TEX26: variants seen among roughly 807,000 people sequenced by gnomAD.
The protein encoded by TEX26 is testis-expressed protein 26.
A neutral mutation model predicts 35.3 loss-of-function variants in TEX26; 34 were observed. The ratio of observed to expected loss-of-function variants is 0.96; its 90% CI spans 0.73 to 1.28. The LOEUF (loss-of-function observed/expected upper bound fraction) is 1.28, where lower values mean the gene tolerates loss of function less well. Ranked by LOEUF, TEX26 falls within the 50% of genes most tolerant of loss-of-function variation. The pLI is 0.00. For missense variants in TEX26, 371 were observed against 330.1 expected (o/e 1.12, Z -0.96); for synonymous variants, 136 against 111.8 (o/e 1.22, Z -1.36).
intron 2 of TEX26, among the ~76,000 whole-genome samples, chr13:30,940,322 CTTTTTTTTTTTT>C (rs869246492): frequency 3.1e-4 from 16 of 52,044 alleles, no homozygotes; most frequent in South Asian, 1.0e-3. Context: ...CATCAGCTGC[CTTTTTTTTTTTT>C]TTTTTTTTTT....
intron 2 of TEX26, among the ~76,000 whole-genome samples, chr13:30,942,920 T>G (rs377185641): frequency 3.9e-5 from 6 of 152,268 alleles, no homozygotes; most frequent in African/African-American, 1.4e-4. Flanking sequence ...AGTCTAGTAA[T>G]GTGATGCCTT....
At chr13:30,967,688 T>C (rs1008018356) in intron 5 of TEX26, among the ~76,000 whole-genome samples, 1 of 152,352 alleles carries the variant, frequency 6.6e-6, no homozygotes, top group Non-Finnish European at 1.5e-5. Context: ...TGGAAGGTGT[T>C]CTTAAGGTTT....
At position 30,936,713 on chromosome 13, in the gene TEX26, G is replaced by A. The variant is rs1028666207; in HGVS notation, c.62-2981G>A. On this transcript the variant is annotated intron_variant, in intron 1 of 6. Transcript: ENST00000380473. ...CAGTGCTCCACAGGGCTGGGTCCAC[G>A]GGAGGGCTTGGGGACTTCTTTGAAG... 1.9e-5 allele frequency: 19 copies of A among 985,256 alleles called. No homozygotes were observed. The South Asian group carries it at 2.3e-4, about 12-fold the overall frequency. 61.0% of individuals were successfully genotyped at this position (985,256 alleles called of 1,614,324 possible).
intron 4 of TEX26, among the ~76,000 whole-genome samples, chr13:30,963,313 G>A (rs930706713): frequency 3.9e-5 from 6 of 152,116 alleles, no homozygotes; most frequent in African/African-American, 9.7e-5. Context: ...GGGGGGAGGC[G>A]TCATTGGGTC....
At chr13:30,954,614 A>G (rs1173463228) in intron 3 of TEX26, among the ~76,000 whole-genome samples, 1 of 151,854 alleles carries the variant, frequency 6.6e-6, no homozygotes, top group Non-Finnish European at 1.5e-5. Flanking sequence ...GCATGCCACC[A>G]TGCCCAGCTA....
intron 2 of TEX26, among the ~76,000 whole-genome samples, chr13:30,944,032 A>C (rs1243882979): frequency 6.6e-6 from 1 of 152,006 alleles, no homozygotes; most frequent in East Asian, 1.9e-4. Context: ...TAGGATTGGC[A>C]CCAATTCTTC....
intron 3 of TEX26, 129 bp downstream of exon 3, chr13:30,952,954 G>T: frequency 1.3e-6 from 1 of 789,484 alleles, no homozygotes. Context: ...GTTCTTTTTA[G>T]ACTATTTCCT....
intron 4 of TEX26, among the ~76,000 whole-genome samples, chr13:30,962,964 AG>A (rs1954400889): frequency 6.6e-6 from 1 of 151,554 alleles, no homozygotes; most frequent in Admixed American, 6.6e-5. Context: ...CTGGGACTAC[AG>A]GCACCTGCCA....
At chr13:30,960,174 T>C (rs1954282503) in intron 4 of TEX26, among the ~76,000 whole-genome samples, 1 of 152,236 alleles carries the variant, frequency 6.6e-6, no homozygotes. Flanking sequence ...TTATCTTACC[T>C]TTTCTCTCCT....
chr13:30,954,224 A>T (rs1170429125), intron 3 of TEX26, among the ~76,000 whole-genome samples: 1 of 151,164 alleles, frequency 6.6e-6, no homozygotes, highest in Non-Finnish European at 1.5e-5. Context: ...TGTGATATCC[A>T]TTCATTGTAA....
In TEX26 at chr13:30,952,703, G is replaced by C. The variant is rs748226294; in HGVS notation, c.190G>C (p.Asp64His). 6.2e-7 allele frequency: 1 copy of C among 1,609,394 alleles called. No homozygotes were observed. Among genetic ancestry groups the C allele is most frequent in the Admixed American group, 1.7e-5 (1 of 59,376 alleles). Reference protein sequence around the residue: ...RRLGYTYSLSDPILNQTQYSD... With the variant: ...RRLGYTYSLSHPILNQTQYSD... ...ATTAGGATATACATATTCACTTAGT[G>C]ATCCTATTCTCAATCAGACACAATA... The change falls in exon 3 of 7, where the codon GAT (aspartate) becomes CAT (histidine). Residue 64 changes from aspartate (D) to histidine (H), a missense_variant. Transcript: ENST00000380473.
Position 30,972,696 on chromosome 13 carries a change from G to A in TEX26, c.809-2150G>A, listed in dbSNP as rs150149247. On this transcript the variant is annotated intron_variant, in intron 6 of 6. Transcript: ENST00000380473. ...GTCACCCAGGCTGGAGCGCAGTGGC[G>A]TGATATTGGCTCACTGCAACGTCTG... Among the ~76,000 whole-genome samples the A allele has an allele frequency of 5.8e-3, 890 of 152,300 alleles. 13 individuals are homozygous for A. The highest frequency in any genetic ancestry group is 0.02 in the African/African-American group (815 of 41,544).
chr13:30,966,171 T>C (rs1954517728), intron 4 of TEX26, 51 bp from the exon 5 acceptor site: 1 of 1,606,290 alleles, frequency 6.2e-7, no homozygotes, highest in African/African-American at 1.3e-5. Flanking sequence ...TGGGTTTAGC[T>C]ACTTTGTTCA....
At chr13:30,952,211 G>C (rs1457767488) in intron 2 of TEX26, among the ~76,000 whole-genome samples, 1 of 151,576 alleles carries the variant, frequency 6.6e-6, no homozygotes, top group Non-Finnish European at 1.5e-5. Context: ...TCCTCTTTTG[G>C]AGCTGTGAGT....
intron 3 of TEX26, 33 bp downstream of exon 3, chr13:30,952,858 A>G: frequency 6.4e-7 from 1 of 1,574,144 alleles, no homozygotes; most frequent in Non-Finnish European, 8.7e-7. Context: ...GTTGAATTTA[A>G]TACTGTACTG....
At chr13:30,974,155 T>TATATAA (rs1954809305) in intron 6 of TEX26, among the ~76,000 whole-genome samples, 4 of 139,976 alleles carry the variant, frequency 2.9e-5, no homozygotes, top group African/African-American at 5.3e-5. Context: ...TATATATATA[T>TATATAA]AATTAGGAGT....
intron 2 of TEX26, among the ~76,000 whole-genome samples, chr13:30,946,344 C>T (rs1047942083): frequency 6.6e-6 from 1 of 151,608 alleles, no homozygotes; most frequent in African/African-American, 2.4e-5. Flanking sequence ...TTATTCATAT[C>T]CTGAGTTGTT....
chr13:30,932,779 A>G lies in TEX26; in HGVS notation c.61+3A>G. 1 of 1,613,914 alleles carries G rather than the reference A, an allele frequency of 6.2e-7. No homozygotes were observed. Among genetic ancestry groups the G allele is most frequent in the Non-Finnish European group, 8.5e-7 (1 of 1,179,966 alleles). On this transcript the variant is annotated splice_donor_region_variant and intron_variant, in intron 1 of 6. Coordinates refer to ENST00000380473, the MANE Select transcript of TEX26 (RefSeq NM_152325.3). Reference sequence around the variant, plus strand: ...CTGCCACCACAACCTCCAGCCAAGTAAGACAGCAGACTCTGCCGGTCTGCG... The same window carrying G: ...CTGCCACCACAACCTCCAGCCAAGTGAGACAGCAGACTCTGCCGGTCTGCG...
At chr13:30,953,014 GT>G (rs1033263399) in intron 3 of TEX26, among the ~76,000 whole-genome samples, 189 bp downstream of exon 3, 9 of 151,788 alleles carry the variant, frequency 5.9e-5, no homozygotes, top group African/African-American at 2.2e-4. Context: ...ATCCCCTGGA[GT>G]TTTTTTTAAA....
Sources: allele counts gnomAD v4.1 joint callset (sites outside exome capture counted in the v4.1 genomes callset), GRCh38; gene constraint gnomAD v4.1.1; transcripts MANE v1.5; gene names NCBI Gene and HGNC (gene_info 2026-07-23, HGNC 2026-07-21).